The following ENAH variants were observed in gnomAD, a reference collection of about 807,000 sequenced individuals.
ENAH encodes the protein protein enabled homolog.
ENAH carries 23 observed loss-of-function variants against 78.7 expected under a neutral mutation model. The observed-to-expected ratio is 0.29, with a 90% CI of 0.21 to 0.41. ENAH has a LOEUF of 0.41. Ranked by LOEUF, ENAH falls within the 10% of genes least tolerant of loss-of-function variation. The pLI is 1.00. For missense variants in ENAH, 544 were observed against 691.0 expected (o/e 0.79, Z 2.39); for synonymous variants, 226 against 241.0 (o/e 0.94, Z 0.58).
chr1:225,616,831 G>T (rs1655806362), intron 1 of ENAH, among the ~76,000 whole-genome samples: 2 of 152,290 alleles, frequency 1.3e-5, no homozygotes, highest in Non-Finnish European at 1.5e-5. Context: ...CAGGCATGGT[G>T]GCTCAGGCCT....
At chr1:225,611,704 C>T (rs917816452) in intron 1 of ENAH, among the ~76,000 whole-genome samples, 7 of 152,070 alleles carry the variant, frequency 4.6e-5, no homozygotes, top group African/African-American at 1.7e-4. Context: ...GGAGGATCAG[C>T]TGAGCCCAGG....
At chr1:225,653,686 G>C (rs1160051843), upstream of ENAH, among the ~76,000 whole-genome samples, 1 of 152,148 alleles carries the variant, frequency 6.6e-6, no homozygotes, top group East Asian at 1.9e-4. The surrounding 1 kb of genome is among the most constrained non-coding windows in gnomAD (Gnocchi z 4.3). Flanking sequence ...GGGTGCCCTC[G>C]CGCGGGGCGA....
rs758077957 is a variant in ENAH, at chr1:225,530,549, T to C, written c.434+5A>G. 1 of 1,607,530 alleles carries C rather than the reference T, an allele frequency of 6.2e-7. No individual in the cohort carries two copies. The highest frequency in any genetic ancestry group is 1.1e-5 in the South Asian group (1 of 90,894). On this transcript the variant is annotated splice_donor_5th_base_variant and intron_variant, in intron 4 of 13. Transcript: ENST00000366843. ...AAAAGTACAAACAATAACTTGAAAATTTACCTTCTTTGAATTTCCAATTCT... is the reference window on the plus strand; with the variant it reads ...AAAAGTACAAACAATAACTTGAAAACTTACCTTCTTTGAATTTCCAATTCT...
chr1:225,543,502 G>T (rs2096599207), intron 3 of ENAH, among the ~76,000 whole-genome samples: 1 of 152,172 alleles, frequency 6.6e-6, no homozygotes, highest in South Asian at 2.1e-4. Flanking sequence ...GGTCTACCTT[G>T]TAAGAATTAT....
rs2096218273 is a variant in ENAH, at chr1:225,490,661, C to T, written c.*7114G>A. On this transcript the variant is annotated 3_prime_UTR_variant, in exon 14 of 14. Transcript: ENST00000366843. ...CAAATTGTAAAGTCCTGACTCAGGCCTGAACCTCCCATCCCTCTAGTAATA... is the reference window on the plus strand; with the variant it reads ...CAAATTGTAAAGTCCTGACTCAGGCTTGAACCTCCCATCCCTCTAGTAATA... 6.6e-6 allele frequency: 1 copy of T among 152,166 alleles called. No homozygotes were observed. 9.4% of individuals were successfully genotyped at this position (152,166 alleles called of 1,614,324 possible). A position where few individuals can be genotyped will look rare whatever the true frequency, so the allele number is the denominator to read the frequency against.
intron 2 of ENAH, among the ~76,000 whole-genome samples, chr1:225,555,459 G>A (rs2096661745): frequency 6.6e-6 from 1 of 151,942 alleles, no homozygotes; most frequent in South Asian, 2.1e-4. Context: ...GCGGGTGCCT[G>A]TAGTCCCAGC....
chr1:225,517,054 TAA>T (rs150663666), intron 6 of ENAH, 140 bp downstream of exon 6: 1,986 of 475,650 alleles, frequency 4.2e-3, no homozygotes, highest in South Asian at 6.2e-3. Context: ...TTTTTTTAAT[TAA>T]AAAAAAAAAA....
chr1:225,519,225 C>G lies in ENAH; in HGVS notation c.775G>C (p.Glu259Gln). ...GCACTTGATATTCTGCGCTCTCTCT[C>G]CCATTCCAGCTGTTCCCTTTCTAAC... ...EQLEREQLEW[E>Q]RERRISSAAA... The change falls in exon 5 of 14, where the codon GAG becomes CAG. Residue 259 changes from glutamate to glutamine, a missense_variant. This residue lies in a region of ENAH where 366 missense variants were observed against 396.1 expected (regional missense o/e 0.92). Transcript: ENST00000366843. The G allele has an allele frequency of 1.2e-6, 2 of 1,614,220 alleles. No homozygotes were observed. The highest frequency in any genetic ancestry group is 2.2e-5 in the South Asian group (2 of 91,082).
intron 2 of ENAH, among the ~76,000 whole-genome samples, chr1:225,563,480 G>C (rs1263153721): frequency 6.6e-6 from 1 of 152,134 alleles, no homozygotes; most frequent in Non-Finnish European, 1.5e-5. Context: ...AATGTGATGA[G>C]AACTGTTATG....
At chr1:225,501,112 A>T (rs1212120715) in intron 11 of ENAH, 42 bp from the exon 12 acceptor site, 1 of 1,478,722 alleles carries the variant, frequency 6.8e-7, no homozygotes, top group Admixed American at 1.7e-5. Context: ...CAACATTCTT[A>T]ATACTTAATG....
At position 225,488,676 on chromosome 1, in the gene ENAH, A is replaced by G. The variant is rs1325539582; in HGVS notation, c.*9099T>C. 6.6e-6 allele frequency: 1 copy of G among 152,238 alleles called. No individual in the cohort carries two copies. Among genetic ancestry groups the G allele is most frequent in the Non-Finnish European group, 1.5e-5 (1 of 68,032 alleles). 9.4% of individuals were successfully genotyped at this position (152,238 alleles called of 1,614,324 possible). A position where few individuals can be genotyped will look rare whatever the true frequency, so the allele number is the denominator to read the frequency against. Reference sequence around the variant, plus strand: ...CTCCAAAAAAGAAAAGCACCTAACGAAAAGCATGTCCTATTCATGCTAGCA... The same window carrying G: ...CTCCAAAAAAGAAAAGCACCTAACGGAAAGCATGTCCTATTCATGCTAGCA... On this transcript the variant is annotated 3_prime_UTR_variant, in exon 14 of 14. Coordinates refer to ENST00000366843, the MANE Select transcript of ENAH (RefSeq NM_018212.6).
At chr1:225,610,236 C>G (rs76981022) in intron 1 of ENAH, among the ~76,000 whole-genome samples, 1,675 of 151,038 alleles carry the variant, frequency 0.011, 11 homozygotes, top group Non-Finnish European at 0.019. Context: ...CAAGTAGTGA[C>G]ATTATTTTGA....
intron 1 of ENAH, among the ~76,000 whole-genome samples, chr1:225,601,256 C>G (rs1382101709): frequency 6.6e-6 from 1 of 152,132 alleles, no homozygotes; most frequent in African/African-American, 2.4e-5. Flanking sequence ...CACGGTGGCT[C>G]ACGCCTGTAA....
At chr1:225,640,926 C>T (rs1333479030) in intron 1 of ENAH, among the ~76,000 whole-genome samples, 3 of 139,782 alleles carry the variant, frequency 2.1e-5, no homozygotes, top group Admixed American at 1.5e-4. Context: ...GACAGAGTCT[C>T]GTTCTGTTGC....
intron 2 of ENAH, among the ~76,000 whole-genome samples, chr1:225,562,906 A>T (rs1407171823): frequency 1.3e-5 from 2 of 151,334 alleles, no homozygotes; most frequent in Non-Finnish European, 2.9e-5. Context: ...CCAGGAGGTC[A>T]AGGCTGCAGT....
intron 4 of ENAH, among the ~76,000 whole-genome samples, chr1:225,525,823 G>A (rs2096499720): frequency 6.6e-6 from 1 of 151,964 alleles, no homozygotes; most frequent in Non-Finnish European, 1.5e-5. Flanking sequence ...CCCTTACCAA[G>A]CATTTGAAAT....
chr1:225,591,320 T>G (rs1418758395), intron 1 of ENAH, among the ~76,000 whole-genome samples: 1 of 151,532 alleles, frequency 6.6e-6, no homozygotes, highest in Non-Finnish European at 1.5e-5. Context: ...AATACAAAAA[T>G]TAGAAGGGCG....
rs1395764450 is a variant in ENAH at position 225,496,445 on chromosome 1, T to C, written c.*1330A>G. The C allele has an allele frequency of 6.6e-6, 1 of 152,296 alleles. No individual in the cohort carries two copies. The highest frequency in any genetic ancestry group is 6.5e-5 in the Admixed American group (1 of 15,288). 9.4% of individuals were successfully genotyped at this position (152,296 alleles called of 1,614,324 possible). ...CTGTGACCTTAATTGCTGCCATCAT[T>C]GTTATTTCTTGCATTTCAACATAAC... is the stretch of plus-strand genomic sequence containing the variant. On this transcript the variant is annotated 3_prime_UTR_variant, in exon 14 of 14. Transcript: ENST00000366843.
At chr1:225,607,047 CT>C (rs1451590061) in intron 1 of ENAH, among the ~76,000 whole-genome samples, 3 of 151,842 alleles carry the variant, frequency 2.0e-5, no homozygotes, top group African/African-American at 7.3e-5. Context: ...CAGAGTGTTT[CT>C]TACAAGTCCA....
Sources: gnomAD v4.1 joint callset for allele counts (sites outside exome capture counted in the v4.1 genomes callset) on GRCh38, gnomAD v4.1.1 for gene constraint, gnomAD v4.1.1 regional missense constraint, Gnocchi (gnomAD v3.1) non-coding constraint, MANE v1.5 for transcripts, NCBI Gene and HGNC (gene_info 2026-07-23, HGNC 2026-07-21) for gene names.